RFC5: variants seen among roughly 807,000 people sequenced by gnomAD.
RFC5 encodes replication factor C subunit 5, also known as A1 36 kDa subunit.
A neutral mutation model predicts 44.3 loss-of-function variants in RFC5; 26 were observed. The observed-to-expected ratio is 0.59, with a 90% CI of 0.43 to 0.81. RFC5 has a LOEUF of 0.81. RFC5 is among the 40% of genes least tolerant of loss of function. The pLI, the probability that RFC5 is intolerant of heterozygous loss-of-function variation, is 0.00. For missense variants in RFC5, 328 were observed against 418.6 expected, an observed-to-expected ratio of 0.78 and a Z score of 1.89; for synonymous variants, 155 against 155.2, an observed-to-expected ratio of 1.00 and a Z score of 0.01.
At chr12:118,036,403 C>G (rs748861369), downstream of RFC5, 13 of 1,614,016 alleles carry the variant, frequency 8.1e-6, no homozygotes, top group Non-Finnish European at 1.0e-5. Flanking sequence ...CGTAAGAAGC[C>G]GTGACAAGCA....
intron 5 of RFC5, among the ~76,000 whole-genome samples, chr12:118,024,525 A>T (rs955118109): frequency 3.3e-5 from 5 of 151,790 alleles, no homozygotes; most frequent in African/African-American, 1.2e-4. Context: ...TCCCGGATTC[A>T]AGCAATTCTC....
chr12:118,024,983 G>GCC lies in RFC5; in HGVS notation c.555_556dup (p.Leu186ProfsTer13). 6.2e-7 allele frequency: 1 copy of GCC among 1,613,818 alleles called. No homozygotes were observed. The highest frequency in any genetic ancestry group is 8.5e-7 in the Non-Finnish European group (1 of 1,179,918). ...CTGACTCCTGAACTCATGGTTCCCC[G>GCC]CCTGGAACATGTCGTGGAAGAAGAG... On this transcript the variant is annotated frameshift_variant, in exon 6 of 11. Coordinates refer to ENST00000454402, the MANE Select transcript of RFC5 (RefSeq NM_007370.7). LOFTEE classifies it high-confidence loss of function.
At position 118,016,733 on chromosome 12, in the gene RFC5, G is replaced by T. The variant is rs2030099896; in HGVS notation, c.-95G>T. 1 of 1,014,014 alleles carries T rather than the reference G, an allele frequency of 9.9e-7. No individual in the cohort carries two copies. The highest frequency in any genetic ancestry group is 1.5e-6 in the Non-Finnish European group (1 of 662,422). 62.8% of individuals were successfully genotyped at this position (1,014,014 alleles called of 1,614,324 possible). On this transcript the variant is annotated 5_prime_UTR_variant, in exon 1 of 11. Transcript: ENST00000454402. ...TTGCTTTTGCGCGCGAACTGTAAGT[G>T]CCAGGGTCTCAGGGTCAGGTCGCGG...
chr12:118,040,064 T>A, the RFC5 span, among the ~76,000 whole-genome samples: 4 of 151,900 alleles, frequency 2.6e-5, no homozygotes, highest in African/African-American at 9.7e-5. Flanking sequence ...TCCCAGCTAC[T>A]CCAGAGACTG....
At chr12:118,020,204 G>A (rs2137694441) in intron 3 of RFC5, among the ~76,000 whole-genome samples, 1 of 152,302 alleles carries the variant, frequency 6.6e-6, no homozygotes, top group Middle Eastern at 3.4e-3. Flanking sequence ...AGTGAGTGAT[G>A]CCTGGGCCTT....
At chr12:118,021,909 A>G (rs2030523126) in intron 4 of RFC5, among the ~76,000 whole-genome samples, 1 of 152,130 alleles carries the variant, frequency 6.6e-6, no homozygotes, top group Admixed American at 6.6e-5. Context: ...GCGAGCCAAG[A>G]TCGCGGCACT....
intron 1 of RFC5, among the ~76,000 whole-genome samples, chr12:118,018,570 T>A (rs141932701): frequency 7.5e-4 from 114 of 152,306 alleles, no homozygotes; most frequent in African/African-American, 2.3e-3. Context: ...AAGTGCTTTC[T>A]TATTCTTCCT....
At position 118,019,135 on chromosome 12, in the gene RFC5, C is replaced by T; in HGVS notation, c.129C>T (p.Thr43=). ...TTTCTCATCAGGACATTCTGAGTAC[C>T]AGTAAGTATTCATGTGTCAGTTGCT... is the stretch of plus-strand genomic sequence containing the variant. ...DLISHQDILS[T]IQKFINEDRL... The change falls in exon 2 of 11, where the codon ACC becomes ACT. Residue 43 remains threonine (T), a splice_region_variant and synonymous_variant. Transcript: ENST00000454402. This position sits in a 1 kb window ranked among gnomAD's most constrained non-coding sequence, Gnocchi z 4.2. 1 of 1,609,640 alleles carries T rather than the reference C, an allele frequency of 6.2e-7. No homozygotes were observed. Among genetic ancestry groups the T allele is most frequent in the Non-Finnish European group, 8.5e-7 (1 of 1,176,160 alleles).
chr12:118,022,230 C>T, intron 4 of RFC5, 56 bp from the exon 5 acceptor site: 6 of 1,357,540 alleles, frequency 4.4e-6, no homozygotes, highest in Non-Finnish European at 6.3e-6. Context: ...AGGTTTGAGC[C>T]CAGATGTTGA....
In RFC5 at chr12:118,031,189, C is replaced by T. The variant is rs746206675; in HGVS notation, c.934C>T (p.Leu312Phe). Residue 312 changes from leucine to phenylalanine, a missense_variant, in exon 11 of 11, where the codon CTT becomes TTT. By Grantham distance (22) the Leu-to-Phe change is conservative (BLOSUM62 0). Transcript: ENST00000454402. Reference protein sequence around the residue: ...LTKMADIEYRLSVGTNEKIQL... With the variant: ...LTKMADIEYRFSVGTNEKIQL... ...GTGTTTGGTTTCTGTTAGGTACAGG[C>T]TTTCTGTTGGCACCAACGAGAAGAT... is the stretch of plus-strand genomic sequence containing the variant. 6.2e-7 allele frequency: 1 copy of T among 1,613,042 alleles called. No homozygotes were observed. The highest frequency in any genetic ancestry group is 2.2e-5 in the East Asian group (1 of 44,866).
At position 118,031,162 on chromosome 12, in the gene RFC5, CTG is replaced by C. The variant is rs775861604; in HGVS notation, c.927-16_927-15del. ...TGTGTTTGGTGTCTTTTTTCTTACC[CTG>C]TGTTTGGTTTCTGTTAGGTACAGGC... On this transcript the variant is annotated intron_variant, in intron 10 of 10. Transcript: ENST00000454402. 7 of 1,575,854 alleles carry C rather than the reference CTG, an allele frequency of 4.4e-6. No homozygotes were observed. The highest frequency in any genetic ancestry group is 6.1e-6 in the Non-Finnish European group (7 of 1,148,800).
intron 1 of RFC5, among the ~76,000 whole-genome samples, chr12:118,018,492 A>T (rs562170052): frequency 6.6e-6 from 1 of 152,306 alleles, no homozygotes; most frequent in South Asian, 2.1e-4. Context: ...ATGTTTCTAG[A>T]TATCACTAGA....
In RFC5 at chr12:118,019,065, A is replaced by G; in HGVS notation, c.66-7A>G. On this transcript the variant is annotated splice_polypyrimidine_tract_variant and splice_region_variant and intron_variant, in intron 1 of 10. Coordinates refer to ENST00000454402, the MANE Select transcript of RFC5 (RefSeq NM_007370.7). This position sits in a 1 kb window ranked among gnomAD's most constrained non-coding sequence, Gnocchi z 4.2. ...TATGTCATAATACATACTAAATTGT[A>G]TTTCAGGGTTGAAAAATACCGGCCA... is the stretch of plus-strand genomic sequence containing the variant. The G allele has an allele frequency of 6.3e-7, 1 of 1,593,826 alleles. No homozygotes were observed. The highest frequency in any genetic ancestry group is 8.6e-7 in the Non-Finnish European group (1 of 1,161,704).
At chr12:118,029,187 A>G (rs1479045130) in intron 9 of RFC5, among the ~76,000 whole-genome samples, 1 of 152,262 alleles carries the variant, frequency 6.6e-6, no homozygotes, top group African/African-American at 2.4e-5. Context: ...TGGGAAGTCA[A>G]AATGGGTGGA....
chr12:118,029,040 G>C (rs2031145891), intron 9 of RFC5, among the ~76,000 whole-genome samples: 1 of 152,244 alleles, frequency 6.6e-6, no homozygotes, highest in South Asian at 2.1e-4. Flanking sequence ...CCCAAGGTAT[G>C]GTTGGCTCAG....
intron 9 of RFC5, among the ~76,000 whole-genome samples, chr12:118,028,375 C>T (rs2031092595): frequency 6.6e-6 from 1 of 151,712 alleles, no homozygotes; most frequent in Non-Finnish European, 1.5e-5. Context: ...ATCCCAGCTA[C>T]GTGGGAGGCT....
At chr12:118,035,435 T>C, downstream of RFC5, 2 of 843,062 alleles carry the variant, frequency 2.4e-6, no homozygotes, top group Non-Finnish European at 1.9e-6. Context: ...GGGCTCAAGA[T>C]GCATTGTGTG....
downstream of RFC5, chr12:118,034,819 G>T: frequency 1.6e-6 from 1 of 634,888 alleles, no homozygotes; most frequent in Non-Finnish European, 2.7e-6. Context: ...CAGAGAAAAT[G>T]GGACACCGTT....
downstream of RFC5, among the ~76,000 whole-genome samples, chr12:118,037,668 A>G (rs11068778): frequency 9.0e-6 from 1 of 110,690 alleles, no homozygotes; most frequent in Non-Finnish European, 2.1e-5. Flanking sequence ...AACTCTGTCT[A>G]AAAAAAAAAA....
Sources: allele counts gnomAD v4.1 joint callset (sites outside exome capture counted in the v4.1 genomes callset), GRCh38; gene constraint gnomAD v4.1.1; non-coding constraint Gnocchi (gnomAD v3.1); transcripts MANE v1.5; gene names NCBI Gene and HGNC (gene_info 2026-07-23, HGNC 2026-07-21).